ERGIC1: variants seen among roughly 807,000 people sequenced by gnomAD.
The protein encoded by ERGIC1 is endoplasmic reticulum-golgi intermediate compartment 1.
In ERGIC1, 19 loss-of-function variants were observed where a neutral mutation model predicts 38.3. That is an observed-to-expected ratio of 0.50 (90% CI 0.35 to 0.73). The LOEUF (loss-of-function observed/expected upper bound fraction) is 0.73. Among genes scored for constraint, ERGIC1 ranks in the 30% least tolerant of loss-of-function variants. The pLI is 0.01. For synonymous variants in ERGIC1, 124 were observed against 157.6 expected (o/e 0.79, Z 1.60); for missense variants, 294 against 389.2 (o/e 0.76, Z 2.06).
chr5:172,836,743 G>A (rs1290075488), intron 1 of ERGIC1, among the ~76,000 whole-genome samples: 1 of 152,236 alleles, frequency 6.6e-6, no homozygotes, highest in Admixed American at 6.5e-5. Context: ...CCAAGAGAAG[G>A]GAGGAGGGCT....
At chr5:172,863,182 C>G (rs569761816) in intron 1 of ERGIC1, among the ~76,000 whole-genome samples, 1 of 152,190 alleles carries the variant, frequency 6.6e-6, no homozygotes, top group Non-Finnish European at 1.5e-5. Context: ...AACTCCTGAC[C>G]TCAAGTGATC....
At chr5:172,867,012 A>C (rs1476340294) in intron 1 of ERGIC1, 1 of 370,400 alleles carries the variant, frequency 2.7e-6, no homozygotes, top group Admixed American at 3.2e-5. Context: ...GATGATGCAG[A>C]TGGAGATGAT....
intron 1 of ERGIC1, among the ~76,000 whole-genome samples, chr5:172,882,104 A>G (rs1316447508): frequency 1.3e-5 from 2 of 152,166 alleles, no homozygotes; most frequent in Non-Finnish European, 2.9e-5. Flanking sequence ...TTCTGAAACT[A>G]GGGTCTTTTT....
intron 9 of ERGIC1, among the ~76,000 whole-genome samples, chr5:172,945,318 G>A (rs1175392697): frequency 6.6e-6 from 1 of 152,220 alleles, no homozygotes; most frequent in East Asian, 1.9e-4. Context: ...ATGGGTTGCT[G>A]TGTAACTTCA....
At chr5:172,950,612 G>A in intron 9 of ERGIC1, 97 bp from the exon 10 acceptor site, 1 of 1,064,802 alleles carries the variant, frequency 9.4e-7, no homozygotes. Flanking sequence ...TGTCTGCCTT[G>A]CAGAGCCCAT....
chr5:172,938,192 G>A (rs1763927740), intron 9 of ERGIC1, among the ~76,000 whole-genome samples: 1 of 152,170 alleles, frequency 6.6e-6, no homozygotes, highest in Admixed American at 6.5e-5. Flanking sequence ...CCGCAGGGTA[G>A]CACACCCCAA....
intron 5 of ERGIC1, chr5:172,915,831 C>G: frequency 2.8e-6 from 1 of 351,634 alleles, no homozygotes; most frequent in Admixed American, 3.8e-5. Flanking sequence ...CTCCTGCAGC[C>G]TCTGCTCAGA....
At chr5:172,879,439 G>A (rs530660997) in intron 1 of ERGIC1, among the ~76,000 whole-genome samples, 24 of 152,332 alleles carry the variant, frequency 1.6e-4, no homozygotes, top group Non-Finnish European at 2.9e-5. Context: ...ATCCTAAGGC[G>A]TGAGGAAGCT....
chr5:172,842,319 C>T (rs369275642), intron 1 of ERGIC1, among the ~76,000 whole-genome samples: 2 of 152,190 alleles, frequency 1.3e-5, no homozygotes, highest in South Asian at 2.1e-4. Flanking sequence ...TTTCACATAA[C>T]GTAATGTCCA....
chr5:172,839,240 CAAA>C (rs1265161853), intron 1 of ERGIC1, among the ~76,000 whole-genome samples: 3 of 71,114 alleles, frequency 4.2e-5, no homozygotes, highest in African/African-American at 5.3e-5. Context: ...GACTCTGTCT[CAAA>C]AAAAAAAAAA....
chr5:172,932,456 A>C lies in ERGIC1; in HGVS notation c.562A>C (p.Ile188Leu), dbSNP rs140909162. 2.5e-5 allele frequency: 40 copies of C among 1,614,062 alleles called. No homozygotes were observed. The highest frequency in any genetic ancestry group is 3.4e-5 in the Non-Finnish European group (40 of 1,180,036). ...TSNPLASHDY[I>L]LKIVPTVYED... ...CGCAGCCCTGGCCTCCCACGACTAC[A>C]TCCTGAAGATTGTGCCCACGGTTTA... is the stretch of plus-strand genomic sequence containing the variant. Residue 188 changes from isoleucine to leucine, a missense_variant, in exon 8 of 10, where the codon ATC becomes CTC. Physicochemically the swap from Ile to Leu is conservative, Grantham distance 5. Coordinates refer to ENST00000393784, the MANE Select transcript of ERGIC1 (RefSeq NM_001031711.3).
intron 1 of ERGIC1, among the ~76,000 whole-genome samples, chr5:172,856,831 C>T (rs1761560538): frequency 1.3e-5 from 2 of 152,150 alleles, no homozygotes; most frequent in Admixed American, 1.3e-4. Context: ...TGTAGCCTTG[C>T]CCTCCTACCC....
intron 5 of ERGIC1, among the ~76,000 whole-genome samples, chr5:172,920,728 C>G (rs939747743): frequency 6.6e-6 from 1 of 152,190 alleles, no homozygotes; most frequent in African/African-American, 2.4e-5. Flanking sequence ...TGACTCACTT[C>G]ACTCCCGGAG....
Position 172,926,544 on chromosome 5 carries a change from G to C in ERGIC1, c.516G>C (p.Gly172=), listed in dbSNP as rs778029034. The C allele has an allele frequency of 6.2e-7, 1 of 1,612,858 alleles. No homozygotes were observed. Among genetic ancestry groups the C allele is most frequent in the Non-Finnish European group, 8.5e-7 (1 of 1,179,884 alleles). Residue 172 remains glycine (G), a synonymous_variant, in exon 7 of 10, where the codon GGG becomes GGC. Transcript: ENST00000393784. The surrounding 1 kb of genome is among the most constrained non-coding windows in gnomAD (Gnocchi z 5.2). ...QNIHGAFNAL[G]GADRLTSNPL... ...TCCACGGAGCTTTCAATGCTCTCGG[G>C]GGAGCAGACAGACTCACCTCCAACC...
At position 172,951,716 on chromosome 5, in the gene ERGIC1, T is replaced by TA. The variant is rs1334795456; in HGVS notation, c.*901dup. The TA allele has an allele frequency of 2.6e-5, 4 of 152,272 alleles. No homozygotes were observed. The highest frequency in any genetic ancestry group is 2.6e-4 in the Admixed American group (4 of 15,280). 9.4% of individuals were successfully genotyped at this position (152,272 alleles called of 1,614,324 possible). ...GGGAAGTCATCTTTTGAGATCCAGATAGACATGGTTTGTGCACTTACGTCC... is the reference window on the plus strand; with the variant it reads ...GGGAAGTCATCTTTTGAGATCCAGATAAGACATGGTTTGTGCACTTACGTCC... On this transcript the variant is annotated 3_prime_UTR_variant, in exon 10 of 10. Transcript: ENST00000393784.
intron 1 of ERGIC1, among the ~76,000 whole-genome samples, chr5:172,874,121 C>T (rs559931156): frequency 7.2e-5 from 11 of 152,252 alleles, no homozygotes; most frequent in East Asian, 5.8e-4. Context: ...CTCTGTCCCC[C>T]GGGCTGGAGT....
intron 5 of ERGIC1, among the ~76,000 whole-genome samples, chr5:172,922,619 C>G (rs766119601): frequency 3.3e-5 from 5 of 152,214 alleles, no homozygotes; most frequent in African/African-American, 7.2e-5. Context: ...TGGGGCCACA[C>G]TGGATGCTGT....
intron 9 of ERGIC1, among the ~76,000 whole-genome samples, chr5:172,944,925 G>A (rs1477091803): frequency 6.6e-6 from 1 of 152,204 alleles, no homozygotes; most frequent in Non-Finnish European, 1.5e-5. Context: ...ACCCCTGAGC[G>A]AGTCACCTTT....
chr5:172,855,616 G>T (rs535697469), intron 1 of ERGIC1, among the ~76,000 whole-genome samples: 1 of 152,226 alleles, frequency 6.6e-6, no homozygotes, highest in Non-Finnish European at 1.5e-5. Flanking sequence ...TGCGTGGGGT[G>T]CGAGGAGGTC....
Sources: gnomAD v4.1 joint callset for allele counts (sites outside exome capture counted in the v4.1 genomes callset) on GRCh38, gnomAD v4.1.1 for gene constraint, Gnocchi (gnomAD v3.1) non-coding constraint, MANE v1.5 for transcripts, NCBI Gene and HGNC (gene_info 2026-07-23, HGNC 2026-07-21) for gene names.